The following PKN2 variants were observed in gnomAD, a reference collection of about 807,000 sequenced individuals.
The protein encoded by PKN2 is protein kinase N2.
Under a neutral mutation model 119.1 loss-of-function variants are expected in PKN2, and 38 were observed. The observed-to-expected ratio is 0.32, with a 90% CI of 0.25 to 0.42. PKN2 has a LOEUF of 0.42. PKN2 is among the 10% of genes least tolerant of loss of function. PKN2 has a pLI of 1.00. For missense variants in PKN2, 850 were observed against 1,165.1 expected, an observed-to-expected ratio of 0.73 and a Z score of 3.94; for synonymous variants, 390 against 384.9, an observed-to-expected ratio of 1.01 and a Z score of -0.15.
chr1:88,699,152 C>T (rs191758250), intron 1 of PKN2, among the ~76,000 whole-genome samples: 13 of 152,138 alleles, frequency 8.5e-5, no homozygotes, highest in Admixed American at 3.9e-4. Flanking sequence ...CTTTCTTAAA[C>T]ACTTTATGAA....
At chr1:88,771,354 G>A in intron 4 of PKN2, 67 bp from the exon 5 acceptor site, 1 of 1,191,576 alleles carries the variant, frequency 8.4e-7, no homozygotes, top group Non-Finnish European at 1.2e-6. Flanking sequence ...TTCTTTTCAT[G>A]ATTTTAATCA....
At chr1:88,718,231 G>T (rs1667533838) in intron 1 of PKN2, among the ~76,000 whole-genome samples, 1 of 152,146 alleles carries the variant, frequency 6.6e-6, no homozygotes, top group Non-Finnish European at 1.5e-5. Context: ...TGTCCGTTGG[G>T]CCCTACTAGG....
At chr1:88,822,760 G>A (rs1672347595) in intron 17 of PKN2, among the ~76,000 whole-genome samples, 1 of 151,854 alleles carries the variant, frequency 6.6e-6, no homozygotes, top group African/African-American at 2.4e-5. Flanking sequence ...TGTATTTTTA[G>A]TATAGATGGA....
chr1:88,778,025 A>G (rs368959628), intron 6 of PKN2, among the ~76,000 whole-genome samples: 55 of 152,286 alleles, frequency 3.6e-4, no homozygotes, highest in African/African-American at 1.1e-3. Context: ...TCTTTCTACC[A>G]GTTGCCAATC....
At chr1:88,797,334 TAAAA>T (rs1305618821) in intron 8 of PKN2, among the ~76,000 whole-genome samples, 7 of 126,354 alleles carry the variant, frequency 5.5e-5, no homozygotes, top group African/African-American at 2.1e-4. Context: ...AACTCTATCT[TAAAA>T]AAAAAAAAAA....
In PKN2 at chr1:88,771,487, T is replaced by A; in HGVS notation, c.689T>A (p.Phe230Tyr). ...EELRHHFRIE[F>Y]AVAEGAKNVM... Reference sequence around the variant, plus strand: ...TTAAGGCATCATTTTAGGATAGAGTTTGCAGTAGCAGAAGGTGCAAAGAAT... The same window carrying A: ...TTAAGGCATCATTTTAGGATAGAGTATGCAGTAGCAGAAGGTGCAAAGAAT... Residue 230 changes from phenylalanine to tyrosine, a missense_variant, in exon 5 of 22, where the codon TTT (phenylalanine) becomes TAT (tyrosine). Transcript: ENST00000370521. 1 of 1,610,030 alleles carries A rather than the reference T, an allele frequency of 6.2e-7. No individual in the cohort carries two copies. The highest frequency in any genetic ancestry group is 8.5e-7 in the Non-Finnish European group (1 of 1,178,010).
chr1:88,748,910 G>T (rs775358593), intron 2 of PKN2, among the ~76,000 whole-genome samples: 1 of 152,082 alleles, frequency 6.6e-6, no homozygotes, highest in Admixed American at 6.6e-5. Flanking sequence ...AGCCTGGGCA[G>T]CAGAGCAAGA....
chr1:88,771,862 A>G lies in PKN2; in HGVS notation c.968A>G (p.Lys323Arg). Residue 323 changes from lysine to arginine, a missense_variant, in exon 6 of 22, where the codon AAA becomes AGA. By Grantham distance (26) the Lys-to-Arg change is conservative (BLOSUM62 2). Around this residue, in one of 9 missense-constraint regions of PKN2, gnomAD observed 350 missense variants for 511.1 expected, o/e 0.68. Coordinates refer to ENST00000370521, the MANE Select transcript of PKN2 (RefSeq NM_006256.4). Reference sequence around the variant, plus strand: ...CAAAATCAATATAGTACACTATCCAAACCAGCAGCACTAACAGGTATGTAG... The same window carrying G: ...CAAAATCAATATAGTACACTATCCAGACCAGCAGCACTAACAGGTATGTAG... ...STQNQYSTLS[K>R]PAALTGTLEV... 1 of 1,612,246 alleles carries G rather than the reference A, an allele frequency of 6.2e-7. No individual in the cohort carries two copies. Among genetic ancestry groups the G allele is most frequent in the Non-Finnish European group, 8.5e-7 (1 of 1,178,374 alleles).
At chr1:88,786,362 AT>A in intron 8 of PKN2, 149 bp downstream of exon 8, 1 of 543,796 alleles carries the variant, frequency 1.8e-6, no homozygotes, top group East Asian at 2.9e-5. Context: ...TCAATGAGTT[AT>A]GCATAAATCT....
chr1:88,732,709 T>C (rs72724712), intron 1 of PKN2, among the ~76,000 whole-genome samples: 3,913 of 152,312 alleles, frequency 0.026, 69 homozygotes, highest in African/African-American at 0.032. Context: ...TTGAGTTTTA[T>C]AATTCTATGT....
At chr1:88,770,552 T>TA in intron 4 of PKN2, 83 bp downstream of exon 4, 1 of 739,556 alleles carries the variant, frequency 1.4e-6, no homozygotes, top group Non-Finnish European at 2.4e-6. Flanking sequence ...GGTTCAAAGT[T>TA]AAGAGGGAGG....
At chr1:88,704,280 C>A (rs1348526398) in intron 1 of PKN2, among the ~76,000 whole-genome samples, 2 of 152,100 alleles carry the variant, frequency 1.3e-5, no homozygotes, top group African/African-American at 4.8e-5. Flanking sequence ...TCACTCAAAT[C>A]ATGATTTTGA....
intron 19 of PKN2, among the ~76,000 whole-genome samples, chr1:88,830,485 G>GT (rs905846204): frequency 6.6e-6 from 1 of 151,982 alleles, no homozygotes; most frequent in Non-Finnish European, 1.5e-5. Flanking sequence ...ATTTTGGAGG[G>GT]TTTTTTTGGT....
intron 6 of PKN2, among the ~76,000 whole-genome samples, chr1:88,776,072 C>T (rs1459871125): frequency 3.3e-5 from 5 of 150,108 alleles, no homozygotes; most frequent in Non-Finnish European, 7.4e-5. Flanking sequence ...CGTGCCACTG[C>T]ACTCCAGCCT....
At chr1:88,795,309 G>A (rs2100851328) in intron 8 of PKN2, among the ~76,000 whole-genome samples, 1 of 152,226 alleles carries the variant, frequency 6.6e-6, no homozygotes. Context: ...TGTTTCATAA[G>A]TTAGCCCTAT....
At position 88,828,690 on chromosome 1, in the gene PKN2, T is replaced by C. The variant is rs1672605652; in HGVS notation, c.2562+67T>C. The stretch of plus-strand genomic sequence containing the variant: ...TTGAAATAATAAAGCATGTCATTTA[T>C]AAAACCACCTAATACTGTCTTCAGT... On this transcript the variant is annotated intron_variant, in intron 19 of 21. Coordinates refer to ENST00000370521, the MANE Select transcript of PKN2 (RefSeq NM_006256.4). 3.5e-5 allele frequency: 47 copies of C among 1,331,638 alleles called. 2 individuals are homozygous for C. The South Asian group carries it at 5.9e-4, about 17-fold the overall frequency. The allele number at this position is 1,331,638 out of a possible 1,614,324, so 82.5% of individuals were successfully genotyped here.
Position 88,828,518 on chromosome 1 carries a change from C to T in PKN2, c.2457C>T (p.Gly819=), listed in dbSNP as rs867406150. The change falls in exon 19 of 22, where the codon GGC becomes GGT. Residue 819 remains glycine (G), a synonymous_variant. Transcript: ENST00000370521. ...GYGDRTSTFC[G]TPEFLAPEVL... is the part of the protein sequence containing the mutation. ...GAGATAGAACAAGCACATTTTGTGG[C>T]ACTCCTGAATTTCTTGCCCCAGAAG... 1.2e-6 allele frequency: 2 copies of T among 1,611,890 alleles called. No individual in the cohort carries two copies. The highest frequency in any genetic ancestry group is 8.5e-7 in the Non-Finnish European group (1 of 1,178,304).
In PKN2 at chr1:88,784,777, G is replaced by C; in HGVS notation, c.1124G>C (p.Ser375Thr). 6.2e-7 allele frequency: 1 copy of C among 1,612,018 alleles called. No homozygotes were observed. The highest frequency in any genetic ancestry group is 1.1e-5 in the South Asian group (1 of 90,818). ...TCTTTCATGAGCAGAACGAGTAAAA[G>C]TAAAAGCGGAAGTAGTCGAAATCTT... ...RSSFMSRTSKSKSGSSRNLLK... is the reference protein window; with the variant it reads ...RSSFMSRTSKTKSGSSRNLLK... Residue 375 changes from serine to threonine, a missense_variant, in exon 7 of 22, where the codon AGT (serine) becomes ACT (threonine). Physicochemically the swap from Ser to Thr is moderately conservative, Grantham distance 58 (BLOSUM62 1). Around this residue, in one of 9 missense-constraint regions of PKN2, gnomAD observed 350 missense variants for 511.1 expected, o/e 0.68. Transcript: ENST00000370521.
chr1:88,822,926 G>A (rs1672355640), intron 17 of PKN2, among the ~76,000 whole-genome samples: 1 of 152,078 alleles, frequency 6.6e-6, no homozygotes, highest in African/African-American at 2.4e-5. Flanking sequence ...TTACCTAATG[G>A]ATAAAATGTT....
Sources: allele counts gnomAD v4.1 joint callset (sites outside exome capture counted in the v4.1 genomes callset), GRCh38; gene constraint gnomAD v4.1.1; regional missense constraint gnomAD v4.1.1; transcripts MANE v1.5; gene names NCBI Gene and HGNC (gene_info 2026-07-23, HGNC 2026-07-21).